ITPR2: variants seen among roughly 807,000 people sequenced by gnomAD.
The protein encoded by ITPR2 is inositol 1,4,5-trisphosphate receptor type 2.
ITPR2 carries 207 observed loss-of-function variants against 317.1 expected under a neutral mutation model. The ratio of observed to expected loss-of-function variants is 0.65; its 90% confidence interval spans 0.58 to 0.73. The LOEUF is 0.73. Among genes scored for constraint, ITPR2 ranks in the 30% least tolerant of loss-of-function variants. The probability of loss-of-function intolerance (pLI) is 0.00; values close to 1 mark genes in which losing one functional copy is unlikely to be tolerated. For synonymous variants in ITPR2, 1,156 were observed against 1,149.1 expected, an observed-to-expected ratio of 1.01 and a Z score of -0.12; for missense variants, 2,613 against 3,284.0, an observed-to-expected ratio of 0.80 and a Z score of 4.99.
chr12:26,515,322 A>G (rs1204670358), intron 37 of ITPR2, among the ~76,000 whole-genome samples: 1 of 152,178 alleles, frequency 6.6e-6, no homozygotes, highest in Non-Finnish European at 1.5e-5. Flanking sequence ...CATTTTCTAC[A>G]GTGATTTTCT....
intron 8 of ITPR2, among the ~76,000 whole-genome samples, chr12:26,712,791 G>A (rs1289517164): frequency 6.6e-6 from 1 of 152,166 alleles, no homozygotes; most frequent in African/African-American, 2.4e-5. Flanking sequence ...TCCCTAGAGG[G>A]GATATTCTAG....
chr12:26,440,766 A>T (rs1271949091), intron 46 of ITPR2, among the ~76,000 whole-genome samples: 4 of 152,138 alleles, frequency 2.6e-5, no homozygotes, highest in Admixed American at 2.6e-4. Context: ...ATTTTTAAAA[A>T]ATCTCAGGGT....
rs149368533 is a variant in ITPR2, at chr12:26,454,717, T to C, written c.6343-11067A>G. Reference sequence around the variant, plus strand: ...TGACTGGGAAAACTTAGAGAGCTCTTGTTCTCAAAGTAATTGCTGCGGGGG... The same window carrying C: ...TGACTGGGAAAACTTAGAGAGCTCTCGTTCTCAAAGTAATTGCTGCGGGGG... On this transcript the variant is annotated intron_variant, in intron 45 of 56. Coordinates refer to ENST00000381340, the MANE Select transcript of ITPR2 (RefSeq NM_002223.4). Among the ~76,000 whole-genome samples the C allele has an allele frequency of 8.6e-3, 1,307 of 151,950 alleles. 10 individuals are homozygous for C. The highest frequency in any genetic ancestry group is 0.017 in the African/African-American group (712 of 41,400).
chr12:26,790,107 T>C, intron 2 of ITPR2, 50 bp downstream of exon 2: 1 of 1,202,156 alleles, frequency 8.3e-7, no homozygotes, highest in Non-Finnish European at 1.2e-6. Context: ...GACATAAAAA[T>C]AATCCTCCCT....
chr12:26,606,098 A>T (rs981946632), intron 26 of ITPR2, among the ~76,000 whole-genome samples: 1 of 152,162 alleles, frequency 6.6e-6, no homozygotes, highest in Non-Finnish European at 1.5e-5. Context: ...CCTAATCTAC[A>T]AAACCCTGAA....
At chr12:26,605,126 A>AAAAAATATATATATATATATATAT (rs1555165395) in intron 26 of ITPR2, among the ~76,000 whole-genome samples, 7 of 136,306 alleles carry the variant, frequency 5.1e-5, no homozygotes, top group South Asian at 2.4e-4. Context: ...AAAAAATAAA[A>AAAAAATATATATATATATATATAT]ATATATATAT....
intron 37 of ITPR2, among the ~76,000 whole-genome samples, chr12:26,541,998 C>G (rs2136984736): frequency 6.6e-6 from 1 of 152,236 alleles, no homozygotes; most frequent in Non-Finnish European, 1.5e-5. Context: ...TGTCTGCTAC[C>G]ACTATTCAAT....
At position 26,521,314 on chromosome 12, in the gene ITPR2, T is replaced by C. The variant is rs1354425330; in HGVS notation, c.5074-26054A>G. On this transcript the variant is annotated intron_variant, in intron 37 of 56. Transcript: ENST00000381340. ...AGTGCAGCGCATGAAAAATAATTTC[T>C]ATTAATTATGTAATATAAAGAGTAA... is the stretch of plus-strand genomic sequence containing the variant. Among the ~76,000 whole-genome samples the C allele has an allele frequency of 2.0e-5, 3 of 152,328 alleles. No individual in the cohort carries two copies. In the East Asian group the frequency reaches 5.8e-4, roughly 29 times the overall value.
intron 41 of ITPR2, among the ~76,000 whole-genome samples, chr12:26,484,303 T>C (rs1942613381): frequency 6.6e-6 from 1 of 151,826 alleles, no homozygotes; most frequent in Non-Finnish European, 1.5e-5. Context: ...AGAAGTTCAT[T>C]AGGGAGAGAA....
chr12:26,696,693 C>T (rs914593683), intron 9 of ITPR2, among the ~76,000 whole-genome samples: 1 of 152,134 alleles, frequency 6.6e-6, no homozygotes, highest in Non-Finnish European at 1.5e-5. Flanking sequence ...CAGGTAATGA[C>T]CCAGTTTTTA....
chr12:26,539,666 T>C (rs1462615612), intron 37 of ITPR2, among the ~76,000 whole-genome samples: 2 of 152,170 alleles, frequency 1.3e-5, no homozygotes, highest in Non-Finnish European at 2.9e-5. Flanking sequence ...TCTTTTGCTT[T>C]CTAAGCCACA....
At chr12:26,542,442 T>A (rs1342663948) in intron 37 of ITPR2, among the ~76,000 whole-genome samples, 1 of 152,232 alleles carries the variant, frequency 6.6e-6, no homozygotes, top group East Asian at 1.9e-4. Context: ...TCCTAAGATG[T>A]GTGACCTTAA....
chr12:26,613,041 G>C (rs1200556470), intron 26 of ITPR2, among the ~76,000 whole-genome samples: 2 of 152,090 alleles, frequency 1.3e-5, no homozygotes, highest in Admixed American at 1.3e-4. Context: ...TATTTTTTGG[G>C]TGTTCATGAA....
At chr12:26,471,695 AT>A (rs1942294767) in intron 45 of ITPR2, among the ~76,000 whole-genome samples, 1 of 152,260 alleles carries the variant, frequency 6.6e-6, no homozygotes, top group Non-Finnish European at 1.5e-5. Flanking sequence ...GAGCACCAGA[AT>A]AAACTGTCTG....
At chr12:26,354,190 C>T (rs924334351) in intron 55 of ITPR2, among the ~76,000 whole-genome samples, 6 of 152,116 alleles carry the variant, frequency 3.9e-5, no homozygotes, top group Non-Finnish European at 7.3e-5. Flanking sequence ...AGGAGAATCT[C>T]TTGAACCCGG....
At chr12:26,400,028 A>G (rs1940121945) in intron 53 of ITPR2, 100 bp downstream of exon 53, 2 of 1,258,658 alleles carry the variant, frequency 1.6e-6, no homozygotes, top group African/African-American at 3.0e-5. Flanking sequence ...CAAATGGTAC[A>G]ATATATTTTC....
At chr12:26,711,925 T>C (rs1948649029) in intron 8 of ITPR2, among the ~76,000 whole-genome samples, 1 of 152,230 alleles carries the variant, frequency 6.6e-6, no homozygotes, top group Non-Finnish European at 1.5e-5. Flanking sequence ...GCCCTTTCCA[T>C]GCATGCTTTT....
chr12:26,483,746 G>A lies in ITPR2; in HGVS notation c.5964C>T (p.Asn1988=). 6.2e-7 allele frequency: 1 copy of A among 1,614,152 alleles called. No individual in the cohort carries two copies. Among genetic ancestry groups the A allele is most frequent in the Non-Finnish European group, 8.5e-7 (1 of 1,180,024 alleles). Residue 1988 remains asparagine, a synonymous_variant, in exon 42 of 57, where the codon AAC becomes AAT. Transcript: ENST00000381340. ...GGCAATACTCAGTCAAGCTCTCCAGGTTCTGGTTGACCAGCGCTACATTCT... is the reference window on the plus strand; with the variant it reads ...GGCAATACTCAGTCAAGCTCTCCAGATTCTGGTTGACCAGCGCTACATTCT... ...NEKNVALVNQ[N]LESLTEYCQG... is the part of the protein sequence containing the mutation.
intron 55 of ITPR2, among the ~76,000 whole-genome samples, chr12:26,354,848 T>C (rs1011290811): frequency 6.6e-6 from 1 of 152,086 alleles, no homozygotes; most frequent in Non-Finnish European, 1.5e-5. Flanking sequence ...AATTTTTGTA[T>C]TTTTAGTAGA....
Sources: gnomAD v4.1 joint callset for allele counts (sites outside exome capture counted in the v4.1 genomes callset) on GRCh38, gnomAD v4.1.1 for gene constraint, MANE v1.5 for transcripts, NCBI Gene and HGNC (gene_info 2026-07-23, HGNC 2026-07-21) for gene names.